RANBP17: variants seen among roughly 807,000 people sequenced by gnomAD.
RANBP17 encodes ran-binding protein 17.
Under a neutral mutation model 141.2 loss-of-function variants are expected in RANBP17, and 158 were observed. The ratio of observed to expected loss-of-function variants is 1.12; its 90% confidence interval spans 0.98 to 1.28. RANBP17 has a LOEUF of 1.28. Ranked by LOEUF, RANBP17 falls within the 50% of genes most tolerant of loss-of-function variation. The probability of loss-of-function intolerance (pLI) is 0.00; values close to 1 mark genes in which losing one functional copy is unlikely to be tolerated. For synonymous variants in RANBP17, 430 were observed against 450.0 expected (o/e 0.96, Z 0.56); for missense variants, 1,438 against 1,290.7 (o/e 1.11, Z -1.75).
In RANBP17 at chr5:171,271,075, C is replaced by CCTTTTTTTTTTTTT. The variant is rs1767076411; in HGVS notation, c.2943+5228_2943+5229insCTTTTTTTTTTTTT. On this transcript the variant is annotated intron_variant, in intron 25 of 27. Coordinates refer to ENST00000523189, the MANE Select transcript of RANBP17 (RefSeq NM_022897.5). ...TTTCTCCCTCCTTTTTATGTTATTT[C>CCTTTTTTTTTTTTT]TTTTTTTTTTTTTTTTTTTTTTTTT... The CCTTTTTTTTTTTTT allele has an allele frequency of 2.2e-3, 62 of 27,562 alleles. 3 individuals carry two copies. The highest frequency in any genetic ancestry group is 3.4e-3 in the Admixed American group (4 of 1,166). The allele number at this position is 27,562 out of a possible 1,614,324, so 1.7% of individuals were successfully genotyped here.
chr5:170,993,399 A>G (rs1191575227), intron 14 of RANBP17, among the ~76,000 whole-genome samples: 5 of 151,984 alleles, frequency 3.3e-5, no homozygotes, highest in Non-Finnish European at 7.4e-5. Context: ...GTAGACTGTA[A>G]CTTTCTAAAA....
At chr5:171,024,596 T>C (rs1781110067) in intron 14 of RANBP17, among the ~76,000 whole-genome samples, 1 of 152,188 alleles carries the variant, frequency 6.6e-6, no homozygotes. Context: ...CTTTCTATCC[T>C]TATTCAACAT....
intron 12 of RANBP17, among the ~76,000 whole-genome samples, chr5:170,938,187 A>G (rs186864301): frequency 6.6e-6 from 1 of 152,206 alleles, no homozygotes; most frequent in Non-Finnish European, 1.5e-5. Context: ...ATCAATGATG[A>G]AATTCGTGAC....
At chr5:171,022,091 A>G (rs1467975579) in intron 14 of RANBP17, among the ~76,000 whole-genome samples, 3 of 152,196 alleles carry the variant, frequency 2.0e-5, no homozygotes, top group Admixed American at 2.0e-4. Flanking sequence ...GGTTCACTTC[A>G]GGCCCTCTTC....
intron 14 of RANBP17, among the ~76,000 whole-genome samples, chr5:171,138,381 A>G (rs1757460449): frequency 6.6e-6 from 1 of 152,152 alleles, no homozygotes; most frequent in African/African-American, 2.4e-5. Context: ...CCATAAGAAT[A>G]ACTGGGCTAG....
chr5:170,983,322 A>C (rs1274126030), intron 14 of RANBP17: 1 of 246,536 alleles, frequency 4.1e-6, no homozygotes, highest in Non-Finnish European at 7.9e-6. Context: ...GGTTGAGAGG[A>C]ATTGAGTTTT....
chr5:171,140,735 C>G (rs536271296), intron 14 of RANBP17, among the ~76,000 whole-genome samples: 1 of 152,294 alleles, frequency 6.6e-6, no homozygotes, highest in African/African-American at 2.4e-5. Flanking sequence ...TTTGTCAAAA[C>G]TCATAAACCT....
At chr5:171,093,474 C>T (rs1786461451) in intron 14 of RANBP17, among the ~76,000 whole-genome samples, 1 of 152,030 alleles carries the variant, frequency 6.6e-6, no homozygotes, top group South Asian at 2.1e-4. Context: ...TCCTCTCTAC[C>T]AGAAAAACAA....
chr5:171,186,380 C>G lies in RANBP17; in HGVS notation c.2038+2950C>G, dbSNP rs962733063. Among the ~76,000 whole-genome samples the G allele has an allele frequency of 2.6e-5, 4 of 152,102 alleles. No homozygotes were observed. In the South Asian group the frequency reaches 8.3e-4, roughly 31 times the overall value. On this transcript the variant is annotated intron_variant, in intron 18 of 27. Transcript: ENST00000523189. Reference sequence around the variant, plus strand: ...CACTCTTAGGTTATGGAGGCATCATCTTTCCTTAAACCTCATGAACCAACC... The same window carrying G: ...CACTCTTAGGTTATGGAGGCATCATGTTTCCTTAAACCTCATGAACCAACC...
At chr5:171,050,050 C>A (rs927207189) in intron 14 of RANBP17, among the ~76,000 whole-genome samples, 1 of 152,130 alleles carries the variant, frequency 6.6e-6, no homozygotes, top group Non-Finnish European at 1.5e-5. Context: ...CTGTAAGTTG[C>A]TTTGGGCAGT....
chr5:171,003,098 G>A (rs183012978), intron 14 of RANBP17, among the ~76,000 whole-genome samples: 85 of 152,316 alleles, frequency 5.6e-4, no homozygotes, highest in Admixed American at 3.3e-3. Flanking sequence ...AATGGCGGCC[G>A]CTGCACGGAG....
chr5:171,293,841 T>C, intron 25 of RANBP17, 42 bp from the exon 26 acceptor site: 4 of 1,465,136 alleles, frequency 2.7e-6, no homozygotes, highest in Non-Finnish European at 3.8e-6. Flanking sequence ...GGGGGAACTC[T>C]GAGACAAGGC....
intron 14 of RANBP17, among the ~76,000 whole-genome samples, chr5:171,090,162 C>A (rs527538179): frequency 6.6e-6 from 1 of 152,160 alleles, no homozygotes; most frequent in South Asian, 2.1e-4. Flanking sequence ...TTGGAACTCC[C>A]TAGAGACTTG....
Position 170,953,711 on chromosome 5 carries a change from G to A in RANBP17, c.1574+9G>A. ...GGAGAATTATCCTGTCGGTAAGTAA[G>A]AGCTATGTAATTTACTGAAATTCAC... is the stretch of plus-strand genomic sequence containing the variant. On this transcript the variant is annotated intron_variant, in intron 13 of 27. Transcript: ENST00000523189. The A allele has an allele frequency of 6.5e-7, 1 of 1,532,468 alleles. No individual in the cohort carries two copies. The highest frequency in any genetic ancestry group is 1.7e-4 in the Middle Eastern group (1 of 5,926). 94.9% of individuals were successfully genotyped at this position (1,532,468 alleles called of 1,614,324 possible).
intron 25 of RANBP17, among the ~76,000 whole-genome samples, chr5:171,269,393 T>C (rs1325760856): frequency 6.6e-6 from 1 of 152,230 alleles, no homozygotes; most frequent in Non-Finnish European, 1.5e-5. Context: ...AAATTACTTC[T>C]GAGTCGGCTG....
chr5:171,000,470 A>G (rs180749808), intron 14 of RANBP17, among the ~76,000 whole-genome samples: 1 of 152,348 alleles, frequency 6.6e-6, no homozygotes, highest in East Asian at 1.9e-4. Flanking sequence ...TGATGTAGCT[A>G]TAGTCAAGCT....
At chr5:171,140,149 GC>G (rs1409064937) in intron 14 of RANBP17, among the ~76,000 whole-genome samples, 1 of 152,082 alleles carries the variant, frequency 6.6e-6, no homozygotes, top group African/African-American at 2.4e-5. Context: ...GATCTCCCAG[GC>G]TAGGTTATGT....
At chr5:171,108,032 G>T (rs1449935044) in intron 14 of RANBP17, among the ~76,000 whole-genome samples, 1 of 152,166 alleles carries the variant, frequency 6.6e-6, no homozygotes, top group African/African-American at 2.4e-5. Context: ...ATTGGCTTAG[G>T]TTATCAATTA....
chr5:171,010,107 G>T (rs1310525328), intron 14 of RANBP17, among the ~76,000 whole-genome samples: 1 of 152,140 alleles, frequency 6.6e-6, no homozygotes, highest in Non-Finnish European at 1.5e-5. Flanking sequence ...CCCCAAATTT[G>T]TATGCAGGTT....
Sources: allele counts gnomAD v4.1 joint callset (sites outside exome capture counted in the v4.1 genomes callset), GRCh38; gene constraint gnomAD v4.1.1; transcripts MANE v1.5; gene names NCBI Gene and HGNC (gene_info 2026-07-23, HGNC 2026-07-21).